Variants in PHF14 observed in about 807,000 individuals in gnomAD.
PHF14 encodes the protein PHD finger protein 14.
PHF14 carries 55 observed loss-of-function variants against 117.9 expected under a neutral mutation model. That is an observed-to-expected ratio of 0.47 (90% CI 0.38 to 0.58). The LOEUF (loss-of-function observed/expected upper bound fraction) is 0.58, where lower values mean the gene tolerates loss of function less well. Among genes scored for constraint, PHF14 ranks in the 20% least tolerant of loss-of-function variants. The pLI, the probability that PHF14 is intolerant of heterozygous loss-of-function variation, is 0.00. For missense variants in PHF14, 978 were observed against 1,122.2 expected, an observed-to-expected ratio of 0.87 and a Z score of 1.84; for synonymous variants, 409 against 368.6, an observed-to-expected ratio of 1.11 and a Z score of -1.26.
intron 17 of PHF14, among the ~76,000 whole-genome samples, chr7:11,147,149 A>AT (rs1242810319): frequency 2.0e-5 from 3 of 152,114 alleles, no homozygotes; most frequent in Non-Finnish European, 4.4e-5. Context: ...CACCCAGCCT[A>AT]TTTTTTATTC....
intron 6 of PHF14, among the ~76,000 whole-genome samples, chr7:11,026,575 G>A (rs918146980): frequency 3.3e-5 from 5 of 152,152 alleles, no homozygotes; most frequent in South Asian, 4.1e-4. Context: ...TGAGCAGTGG[G>A]CTTCTATTGG....
At chr7:11,000,996 A>T (rs1475392906) in intron 4 of PHF14, among the ~76,000 whole-genome samples, 3 of 152,016 alleles carry the variant, frequency 2.0e-5, no homozygotes, top group Admixed American at 6.5e-5. Flanking sequence ...TTTTTTAATT[A>T]TAAATTTTCT....
chr7:11,037,306 A>G (rs1426887098), intron 10 of PHF14, among the ~76,000 whole-genome samples: 1 of 152,096 alleles, frequency 6.6e-6, no homozygotes. Context: ...CTTTACATGT[A>G]TTATTTAATT....
chr7:10,990,789 T>C lies in PHF14; in HGVS notation c.987T>C (p.Asn329=). The C allele has an allele frequency of 6.3e-7, 1 of 1,587,014 alleles. No individual in the cohort carries two copies. Among genetic ancestry groups the C allele is most frequent in the Non-Finnish European group, 8.6e-7 (1 of 1,164,116 alleles). The change falls in exon 4 of 18, where the codon AAT becomes AAC. Residue 329 remains asparagine, a synonymous_variant. Transcript: ENST00000634607. ...TTTGCTGTGTTTGTCTGGGAGATAA[T>C]AGTGAGGACGCTGATGAAATAATTC... is the stretch of plus-strand genomic sequence containing the variant. ...ILICCVCLGD[N]SEDADEIIQC...
At chr7:11,149,780 A>C (rs1788654696) in intron 17 of PHF14, among the ~76,000 whole-genome samples, 1 of 151,294 alleles carries the variant, frequency 6.6e-6, no homozygotes, top group African/African-American at 2.4e-5. Flanking sequence ...TTCTCACTGA[A>C]TTATCTTGTT....
At chr7:11,013,249 C>G (rs1783414911) in intron 4 of PHF14, among the ~76,000 whole-genome samples, 1 of 152,114 alleles carries the variant, frequency 6.6e-6, no homozygotes, top group South Asian at 2.1e-4. Context: ...GCAACCTTTG[C>G]CTCCAGGGTT....
At chr7:11,149,094 A>G (rs905827607) in intron 17 of PHF14, among the ~76,000 whole-genome samples, 1 of 152,088 alleles carries the variant, frequency 6.6e-6, no homozygotes, top group South Asian at 2.1e-4. Flanking sequence ...GAGTCAAACC[A>G]ATAGTTAAGT....
At chr7:11,108,997 A>G (rs1439212365) in intron 16 of PHF14, 1 of 151,852 alleles carries the variant, frequency 6.6e-6, no homozygotes, top group African/African-American at 2.4e-5. Flanking sequence ...AACTTTGATT[A>G]TTAGCAATCT....
chr7:11,057,803 A>G (rs1490535623), intron 14 of PHF14, among the ~76,000 whole-genome samples: 1 of 152,174 alleles, frequency 6.6e-6, no homozygotes. Flanking sequence ...AAGTAAGTTG[A>G]TCACGGACAG....
chr7:11,025,152 TAACTAG>T (rs1330149803), intron 6 of PHF14, among the ~76,000 whole-genome samples: 163 of 152,144 alleles, frequency 1.1e-3, no homozygotes, highest in Non-Finnish European at 8.8e-5. Flanking sequence ...AATAACAAGA[TAACTAG>T]AATTAGAAGT....
intron 17 of PHF14, among the ~76,000 whole-genome samples, chr7:11,118,022 G>A (rs1318370955): frequency 6.6e-6 from 1 of 151,734 alleles, no homozygotes; most frequent in Admixed American, 6.6e-5. Flanking sequence ...TCTAAATTCA[G>A]TACTCTTCTA....
chr7:11,015,601 A>G (rs761381429), intron 5 of PHF14, among the ~76,000 whole-genome samples: 4 of 152,004 alleles, frequency 2.6e-5, no homozygotes, highest in Non-Finnish European at 5.9e-5. Context: ...AATTTTAGGC[A>G]AGTGATGTAA....
At chr7:11,129,018 ACT>A (rs1042399091) in intron 17 of PHF14, among the ~76,000 whole-genome samples, 1 of 151,686 alleles carries the variant, frequency 6.6e-6, no homozygotes, top group Non-Finnish European at 1.5e-5. Context: ...TAGATTACAA[ACT>A]CTCTTACAAC....
chr7:11,038,883 T>C (rs766635079), intron 11 of PHF14, 28 bp downstream of exon 11: 2 of 1,073,192 alleles, frequency 1.9e-6, no homozygotes, highest in Admixed American at 3.9e-5. Flanking sequence ...TGCTGTCTCC[T>C]TCAGTTCTTG....
intron 16 of PHF14, among the ~76,000 whole-genome samples, chr7:11,100,152 A>T (rs960925063): frequency 1.3e-5 from 2 of 152,022 alleles, no homozygotes; most frequent in African/African-American, 4.8e-5. Flanking sequence ...TTTCATTTGT[A>T]TTGATTTTAT....
intron 4 of PHF14, among the ~76,000 whole-genome samples, chr7:11,012,737 G>A (rs1189988883): frequency 6.6e-6 from 1 of 152,162 alleles, no homozygotes; most frequent in East Asian, 1.9e-4. Flanking sequence ...AGAATGTTGA[G>A]TTTTGTGAGT....
chr7:10,986,012 G>A (rs999364643), intron 3 of PHF14, among the ~76,000 whole-genome samples: 3 of 151,680 alleles, frequency 2.0e-5, no homozygotes, highest in Non-Finnish European at 1.5e-5. Context: ...TTTGTTTCCT[G>A]GACTGGGGTG....
chr7:11,049,182 G>C (rs900465436), intron 13 of PHF14, among the ~76,000 whole-genome samples: 27 of 152,034 alleles, frequency 1.8e-4, no homozygotes, highest in African/African-American at 4.8e-5. Context: ...TATTTTAAAA[G>C]TAAATTAGAG....
intron 14 of PHF14, among the ~76,000 whole-genome samples, chr7:11,058,131 C>G (rs1316669491): frequency 6.6e-6 from 1 of 152,140 alleles, no homozygotes. Context: ...AAAGTAGTTT[C>G]AGCCTCAAAA....
Sources: gnomAD v4.1 joint callset for allele counts (sites outside exome capture counted in the v4.1 genomes callset) on GRCh38, gnomAD v4.1.1 for gene constraint, MANE v1.5 for transcripts, NCBI Gene and HGNC (gene_info 2026-07-23, HGNC 2026-07-21) for gene names.